TMEM161B: variants seen among roughly 807,000 people sequenced by gnomAD.
TMEM161B encodes the protein transmembrane protein 161B.
A neutral mutation model predicts 61.8 loss-of-function variants in TMEM161B; 34 were observed. The observed-to-expected ratio is 0.55, with a 90% CI of 0.42 to 0.73. The LOEUF is 0.73. Among genes scored for constraint, TMEM161B ranks in the 30% least tolerant of loss-of-function variants. The pLI is 0.00. For missense variants in TMEM161B, 456 were observed against 558.5 expected, an observed-to-expected ratio of 0.82 and a Z score of 1.85; for synonymous variants, 167 against 192.8, an observed-to-expected ratio of 0.87 and a Z score of 1.11.
chr5:88,209,226 T>C (rs576983785), intron 5 of TMEM161B, among the ~76,000 whole-genome samples: 3 of 152,162 alleles, frequency 2.0e-5, no homozygotes, highest in Non-Finnish European at 4.4e-5. Context: ...GAAAGATGAA[T>C]ATAGTCAAAC....
chr5:88,185,829 C>T (rs1748332962), downstream of TMEM161B, among the ~76,000 whole-genome samples: 1 of 152,028 alleles, frequency 6.6e-6, no homozygotes. Flanking sequence ...ATGAACAGAG[C>T]AACAATGAGT....
At chr5:88,228,865 C>T (rs1474532165) in intron 2 of TMEM161B, among the ~76,000 whole-genome samples, 1 of 152,100 alleles carries the variant, frequency 6.6e-6, no homozygotes, top group Non-Finnish European at 1.5e-5. Flanking sequence ...TGGGCAGGAG[C>T]ACATTAATTC....
chr5:88,216,006 C>T (rs556999548), intron 5 of TMEM161B, among the ~76,000 whole-genome samples: 1 of 152,140 alleles, frequency 6.6e-6, no homozygotes, highest in South Asian at 2.1e-4. Context: ...GCCTGTAATC[C>T]TAGTGTTTTG....
chr5:88,227,616 A>T (rs2112573464), intron 3 of TMEM161B, among the ~76,000 whole-genome samples: 1 of 152,358 alleles, frequency 6.6e-6, no homozygotes. Flanking sequence ...TTCCAATTTG[A>T]TGCCAAATAA....
At chr5:88,191,474 C>G (rs1284314936), downstream of TMEM161B, among the ~76,000 whole-genome samples, 1 of 152,156 alleles carries the variant, frequency 6.6e-6, no homozygotes, top group Non-Finnish European at 1.5e-5. Context: ...ATTACAGGCA[C>G]TCAACATGTA....
chr5:88,205,814 T>C lies in TMEM161B; in HGVS notation c.800A>G (p.Gln267Arg), dbSNP rs1008912387. The stretch of plus-strand genomic sequence containing the variant: ...GTGCTTATGTACATTTTCCGCTTAC[T>C]GTGTAATTTTTTCTGTTGCCAAATT... ...ALNLATEKITQTLLHINFLAP... is the reference protein window; with the variant it reads ...ALNLATEKITRTLLHINFLAP... Residue 267 changes from glutamine to arginine, a missense_variant and splice_region_variant, in exon 8 of 12, where the codon CAA becomes CGA. Coordinates refer to ENST00000296595, the MANE Select transcript of TMEM161B (RefSeq NM_153354.5). 1 of 1,612,272 alleles carries C rather than the reference T, an allele frequency of 6.2e-7. No homozygotes were observed. The highest frequency in any genetic ancestry group is 8.5e-7 in the Non-Finnish European group (1 of 1,179,164).
intron 1 of TMEM161B, among the ~76,000 whole-genome samples, chr5:88,258,896 G>A (rs1453453824): frequency 6.6e-6 from 1 of 152,070 alleles, no homozygotes; most frequent in Non-Finnish European, 1.5e-5. Context: ...GTATTTCAAA[G>A]GGCTTCTAAT....
chr5:88,246,783 A>C (rs750240900), intron 1 of TMEM161B, among the ~76,000 whole-genome samples: 16 of 152,032 alleles, frequency 1.1e-4, no homozygotes, highest in Non-Finnish European at 2.2e-4. Flanking sequence ...CTTAAACATA[A>C]ATTTCACAAT....
intron 1 of TMEM161B, among the ~76,000 whole-genome samples, chr5:88,258,071 T>C (rs1561427136): frequency 6.6e-6 from 1 of 152,184 alleles, no homozygotes; most frequent in Non-Finnish European, 1.5e-5. Flanking sequence ...AGCTCTCTAT[T>C]AAAATCAAGA....
chr5:88,238,655 T>C (rs1049334865), intron 2 of TMEM161B, among the ~76,000 whole-genome samples: 1 of 152,044 alleles, frequency 6.6e-6, no homozygotes, highest in Non-Finnish European at 1.5e-5. Context: ...TGATTTAAAA[T>C]GCAAACTGTC....
chr5:88,227,706 T>C (rs1032689405), intron 3 of TMEM161B, among the ~76,000 whole-genome samples: 2 of 152,170 alleles, frequency 1.3e-5, no homozygotes, highest in Non-Finnish European at 1.5e-5. Flanking sequence ...ATGAGAAATA[T>C]GGTTATAATT....
rs1237354764 is a variant in TMEM161B, at chr5:88,225,881, C to A, written c.192-15G>T. 1 of 1,544,336 alleles carries A rather than the reference C, an allele frequency of 6.5e-7. No homozygotes were observed. The highest frequency in any genetic ancestry group is 1.8e-5 in the Admixed American group (1 of 54,786). ...CATTATATTTCCTATAAAAATCAGA[C>A]AAGTGACACAAAAAACAAGTTACCT... On this transcript the variant is annotated splice_polypyrimidine_tract_variant and intron_variant, in intron 3 of 11. Coordinates refer to ENST00000296595, the MANE Select transcript of TMEM161B (RefSeq NM_153354.5).
downstream of TMEM161B, among the ~76,000 whole-genome samples, chr5:88,193,696 T>G (rs1456027679): frequency 6.6e-6 from 1 of 152,194 alleles, no homozygotes; most frequent in Non-Finnish European, 1.5e-5. Context: ...TGTACAATCT[T>G]TGAAACTTAA....
At chr5:88,191,830 G>C (rs1369769370), downstream of TMEM161B, among the ~76,000 whole-genome samples, 1 of 150,240 alleles carries the variant, frequency 6.7e-6, no homozygotes, top group Non-Finnish European at 1.5e-5. Context: ...GGTGGCGGGC[G>C]CCTGTAGTCC....
chr5:88,189,940 GT>G, exon 13 of TMEM161B: 1 of 637,878 alleles, frequency 1.6e-6, no homozygotes. Context: ...GCAGCATGCA[GT>G]TTCCATGTGA....
chr5:88,220,807 T>C (rs1748825336), intron 4 of TMEM161B, 88 bp from the exon 5 acceptor site: 2 of 1,416,686 alleles, frequency 1.4e-6, no homozygotes, highest in South Asian at 3.0e-5. Flanking sequence ...AGGATTTATT[T>C]ATAATTAAAA....
chr5:88,232,461 C>T (rs1472348449), intron 2 of TMEM161B, among the ~76,000 whole-genome samples: 3 of 152,166 alleles, frequency 2.0e-5, no homozygotes, highest in Non-Finnish European at 4.4e-5. Context: ...TGTATAAAGA[C>T]TAAAATTAGT....
downstream of TMEM161B, among the ~76,000 whole-genome samples, chr5:88,192,012 A>ATG (rs1226966194): frequency 2.1e-5 from 2 of 94,022 alleles, no homozygotes; most frequent in African/African-American, 9.7e-5. Context: ...ATATATATAT[A>ATG]TATATATATA....
chr5:88,223,525 C>T (rs1749404000), intron 4 of TMEM161B, among the ~76,000 whole-genome samples: 4 of 152,006 alleles, frequency 2.6e-5, no homozygotes. Flanking sequence ...GTCAAAGTGC[C>T]TTTAAATGTT....
Sources: allele counts gnomAD v4.1 joint callset (sites outside exome capture counted in the v4.1 genomes callset), GRCh38; gene constraint gnomAD v4.1.1; transcripts MANE v1.5; gene names NCBI Gene and HGNC (gene_info 2026-07-23, HGNC 2026-07-21).